Variants in CHD6 observed in about 807,000 individuals in gnomAD.
CHD6 encodes chromodomain helicase DNA binding protein 6, also known as ATP-dependent chromatin remodeler CHD6.
CHD6 carries 50 observed loss-of-function variants against 276.9 expected under a neutral mutation model. The ratio of observed to expected loss-of-function variants is 0.18; its 90% CI spans 0.14 to 0.23. CHD6 has a LOEUF of 0.23. Among genes scored for constraint, CHD6 ranks in the 10% least tolerant of loss-of-function variants. The pLI, the probability that CHD6 is intolerant of heterozygous loss-of-function variation, is 1.00. For synonymous variants in CHD6, 1,173 were observed against 1,229.3 expected (o/e 0.95, Z 0.96); for missense variants, 2,564 against 3,365.8 (o/e 0.76, Z 5.89).
intron 3 of CHD6, among the ~76,000 whole-genome samples, chr20:41,528,000 G>C (rs977615814): frequency 6.6e-6 from 1 of 152,158 alleles, no homozygotes; most frequent in Non-Finnish European, 1.5e-5. Flanking sequence ...GTGCCATACT[G>C]TTGGACTTCC....
chr20:41,497,670 G>GAAAAC (rs1321225101), intron 7 of CHD6, 169 bp from the exon 8 acceptor site: 12 of 619,576 alleles, frequency 1.9e-5, no homozygotes, highest in African/African-American at 5.5e-5. Flanking sequence ...GGCAACAACA[G>GAAAAC]AAAACAAAAC....
intron 1 of CHD6, among the ~76,000 whole-genome samples, chr20:41,592,071 C>G (rs1321499426): frequency 1.3e-5 from 2 of 152,138 alleles, no homozygotes; most frequent in African/African-American, 4.8e-5. Context: ...TGCACTCCAG[C>G]CTGGGCGACA....
intron 17 of CHD6, among the ~76,000 whole-genome samples, chr20:41,465,322 C>T (rs1306247424): frequency 6.6e-6 from 1 of 152,148 alleles, no homozygotes; most frequent in Non-Finnish European, 1.5e-5. Flanking sequence ...ATTCATATCA[C>T]GCATCCCCTG....
At chr20:41,426,704 T>G (rs978252272) in intron 27 of CHD6, among the ~76,000 whole-genome samples, 1 of 152,204 alleles carries the variant, frequency 6.6e-6, no homozygotes, top group Non-Finnish European at 1.5e-5. Context: ...AATCATGACT[T>G]GAGCTCTAAG....
intron 2 of CHD6, among the ~76,000 whole-genome samples, chr20:41,546,338 A>G (rs113703654): frequency 6.6e-6 from 1 of 152,150 alleles, no homozygotes; most frequent in Non-Finnish European, 1.5e-5. Flanking sequence ...TGGGGTCAGG[A>G]AGCAAGATTC....
intron 36 of CHD6, 66 bp downstream of exon 36, chr20:41,412,078 T>A: frequency 1.3e-6 from 2 of 1,589,014 alleles, no homozygotes; most frequent in Non-Finnish European, 1.7e-6. Flanking sequence ...TTCTCTCAAG[T>A]ATGTAAGGCA....
intron 1 of CHD6, among the ~76,000 whole-genome samples, chr20:41,573,205 G>C (rs770060225): frequency 2.0e-5 from 3 of 152,130 alleles, no homozygotes; most frequent in Non-Finnish European, 4.4e-5. Flanking sequence ...CACTGCACCA[G>C]GCCAAGACCA....
At chr20:41,518,298 G>A (rs543013414) in intron 3 of CHD6, among the ~76,000 whole-genome samples, 33 of 152,252 alleles carry the variant, frequency 2.2e-4, no homozygotes, top group South Asian at 8.3e-4. Context: ...GTGTGCGTGC[G>A]CGCGTGCCCA....
intron 1 of CHD6, among the ~76,000 whole-genome samples, chr20:41,561,937 G>A (rs913657038): frequency 4.1e-4 from 63 of 152,054 alleles, no homozygotes; most frequent in African/African-American, 1.5e-3. Flanking sequence ...TTAGGTACCT[G>A]GTGGATTCTT....
At chr20:41,434,711 C>T (rs1457018367) in intron 27 of CHD6, among the ~76,000 whole-genome samples, 1 of 152,064 alleles carries the variant, frequency 6.6e-6, no homozygotes, top group Non-Finnish European at 1.5e-5. Context: ...ACCAGAGCTG[C>T]AAAATATATG....
chr20:41,618,068 G>A (rs1180864811), intron 1 of CHD6, among the ~76,000 whole-genome samples: 2 of 148,776 alleles, frequency 1.3e-5, no homozygotes, highest in Admixed American at 6.7e-5. Context: ...CCCGGCCCGA[G>A]CGAAAGCGGG....
intron 5 of CHD6, among the ~76,000 whole-genome samples, chr20:41,507,081 T>C (rs534931992): frequency 6.6e-6 from 1 of 152,168 alleles, no homozygotes; most frequent in Non-Finnish European, 1.5e-5. Context: ...AGTCTGTATA[T>C]CTCAGACTAG....
chr20:41,485,143 T>C lies in CHD6; in HGVS notation c.2002-536A>G, dbSNP rs16985824. Reference sequence around the variant, plus strand: ...AACTAATGTTATAGGTGACATCTACTCTATCATGGAATCTGTCACATCAGG... The same window carrying C: ...AACTAATGTTATAGGTGACATCTACCCTATCATGGAATCTGTCACATCAGG... On this transcript the variant is annotated intron_variant, in intron 14 of 36. Transcript: ENST00000373233. 1.4e-3 allele frequency among the ~76,000 whole-genome samples: 216 copies of C among 152,316 alleles called. 2 individuals carry two copies. Among genetic ancestry groups the C allele is most frequent in the African/African-American group, 5.1e-3 (210 of 41,566 alleles).
At chr20:41,463,027 TGTAAGAAATTACTCAAAGAACG>T (rs2042839049) in intron 17 of CHD6, among the ~76,000 whole-genome samples, 1 of 152,218 alleles carries the variant, frequency 6.6e-6, no homozygotes, top group African/African-American at 2.4e-5. Flanking sequence ...CTGTGTCAGA[TGTAAGAAATTACTCAAAGAACG>T]AGGGAGACAT....
rs2043100302 is a variant in CHD6, at chr20:41,473,392, C to T, written c.2594G>A (p.Gly865Glu). ...FLLCTRAGGL[G>E]INLTAADTCI... Reference sequence around the variant, plus strand: ...GGTATCAGCAGCTGTGAGATTGATCCCCAGGCCTCCCGCTCTGGTGCACAG... The same window carrying T: ...GGTATCAGCAGCTGTGAGATTGATCTCCAGGCCTCCCGCTCTGGTGCACAG... Residue 865 changes from glycine to glutamate, a missense_variant, in exon 17 of 37, where the codon GGG becomes GAG. Physicochemically the swap from Gly to Glu is moderately conservative, Grantham distance 98 (BLOSUM62 -2). Around this residue, in one of 7 missense-constraint regions of CHD6, gnomAD observed 457 missense variants for 889.0 expected, o/e 0.51. Transcript: ENST00000373233. This position sits in a 1 kb window ranked among gnomAD's most constrained non-coding sequence, Gnocchi z 4.1. The T allele has an allele frequency of 6.2e-7, 1 of 1,613,934 alleles. No individual in the cohort carries two copies.
intron 17 of CHD6, among the ~76,000 whole-genome samples, chr20:41,458,654 T>C (rs1467291131): frequency 2.0e-5 from 3 of 152,344 alleles, no homozygotes; most frequent in East Asian, 1.9e-4. Context: ...TTGTATGTTA[T>C]ATCAAAGACT....
At chr20:41,548,748 G>A (rs1224972831) in intron 2 of CHD6, among the ~76,000 whole-genome samples, 5 of 151,862 alleles carry the variant, frequency 3.3e-5, no homozygotes, top group South Asian at 4.2e-4. Flanking sequence ...CTACTCATCT[G>A]ACAAAGGGCT....
intron 3 of CHD6, among the ~76,000 whole-genome samples, chr20:41,526,434 T>C (rs2044537822): frequency 6.6e-6 from 1 of 152,224 alleles, no homozygotes; most frequent in Non-Finnish European, 1.5e-5. Flanking sequence ...CTGATTGACC[T>C]TCAAATAAAT....
intron 1 of CHD6, among the ~76,000 whole-genome samples, chr20:41,574,160 GAAGA>G (rs2146213925): frequency 9.9e-6 from 1 of 100,850 alleles, no homozygotes; most frequent in South Asian, 3.5e-4. Flanking sequence ...GGGGAGGAAG[GAAGA>G]GAGGGACAGG....
Sources: allele counts gnomAD v4.1 joint callset (sites outside exome capture counted in the v4.1 genomes callset), GRCh38; gene constraint gnomAD v4.1.1; regional missense constraint gnomAD v4.1.1; non-coding constraint Gnocchi (gnomAD v3.1); transcripts MANE v1.5; gene names NCBI Gene and HGNC (gene_info 2026-07-23, HGNC 2026-07-21).